Variants in RIMKLB observed in about 807,000 individuals in gnomAD.
The protein encoded by RIMKLB is beta-citrylglutamate synthase B.
Under a neutral mutation model 32.0 loss-of-function variants are expected in RIMKLB, and 7 were observed. The ratio of observed to expected loss-of-function variants is 0.22; its 90% CI spans 0.12 to 0.41. RIMKLB has a LOEUF of 0.41. Ranked by LOEUF, RIMKLB falls within the 10% of genes least tolerant of loss-of-function variation. The pLI is 1.00. For missense variants in RIMKLB, 289 were observed against 498.7 expected (o/e 0.58, Z 4.00); for synonymous variants, 172 against 185.1 (o/e 0.93, Z 0.57).
intron 1 of RIMKLB, among the ~76,000 whole-genome samples, chr12:8,712,208 T>C (rs768243295): frequency 1.2e-4 from 19 of 152,262 alleles, no homozygotes; most frequent in Admixed American, 1.2e-3. Flanking sequence ...ATTTCTCTCT[T>C]GTTGCCCAGG....
chr12:8,686,942 G>A (rs1018297421), intron 1 of RIMKLB, among the ~76,000 whole-genome samples: 2 of 152,182 alleles, frequency 1.3e-5, no homozygotes, highest in Non-Finnish European at 2.9e-5. Flanking sequence ...ATAACAAAAT[G>A]AAGAATCTTC....
At position 8,691,609 on chromosome 12, in the gene RIMKLB, GACAA is replaced by G. The variant is rs374754000; in HGVS notation, n.219+9805_219+9808del. On this transcript the variant is annotated intron_variant and non_coding_transcript_variant, in intron 1 of 1. Transcript: ENST00000538758. ...TGACAGAGTGAGACTGTCTCAAAAAGACAAACAAACAAACAAAAAAGAAAAGAAT... is the reference window on the plus strand; with the variant it reads ...TGACAGAGTGAGACTGTCTCAAAAAGACAAACAAACAAAAAAGAAAAGAAT... Among the ~76,000 whole-genome samples, 565 of 152,050 alleles carry G rather than the reference GACAA, an allele frequency of 3.7e-3. 5 individuals are homozygous for G. The highest frequency in any genetic ancestry group is 0.013 in the African/African-American group (537 of 41,492).
intron 1 of RIMKLB, among the ~76,000 whole-genome samples, chr12:8,687,820 GAAAAAAAAAAA>G (rs752174507): frequency 2.7e-5 from 2 of 72,928 alleles, no homozygotes; most frequent in East Asian, 1.2e-3. Flanking sequence ...AAGTCAGGAA[GAAAAAAAAAAA>G]AAAAAAAAAA....
At chr12:8,745,763 C>T (rs1948029130) in intron 2 of RIMKLB, among the ~76,000 whole-genome samples, 1 of 147,630 alleles carries the variant, frequency 6.8e-6, no homozygotes, top group Non-Finnish European at 1.5e-5. Flanking sequence ...GGCTGGATCT[C>T]AGCTCAGTGC....
upstream of RIMKLB, among the ~76,000 whole-genome samples, chr12:8,678,261 G>A (rs538238965): frequency 2.7e-5 from 4 of 150,396 alleles, no homozygotes; most frequent in South Asian, 2.1e-4. Flanking sequence ...AGTGATCCTC[G>A]CACGTTGGCC....
upstream of RIMKLB, among the ~76,000 whole-genome samples, chr12:8,695,842 C>T (rs995669710): frequency 2.6e-5 from 4 of 151,834 alleles, no homozygotes; most frequent in Admixed American, 6.6e-5. Context: ...TACAGGCGTG[C>T]GCTATCACGC....
chr12:8,721,126 A>G (rs1364600950), intron 2 of RIMKLB, among the ~76,000 whole-genome samples: 1 of 152,206 alleles, frequency 6.6e-6, no homozygotes, highest in Non-Finnish European at 1.5e-5. Context: ...TTATAGGCAC[A>G]CCTTGGAGAT....
At chr12:8,756,568 A>G (rs1949044052) in intron 5 of RIMKLB, among the ~76,000 whole-genome samples, 2 of 152,090 alleles carry the variant, frequency 1.3e-5, no homozygotes, top group Non-Finnish European at 2.9e-5. Context: ...AAACTAAAGA[A>G]AAGGCAATAT....
intron 5 of RIMKLB, among the ~76,000 whole-genome samples, chr12:8,760,543 A>C (rs770619086): frequency 6.6e-6 from 1 of 152,216 alleles, no homozygotes; most frequent in Non-Finnish European, 1.5e-5. Context: ...TGGTTGAACT[A>C]CTTTACAGTC....
At chr12:8,704,804 T>A (rs1470205338) in intron 1 of RIMKLB, among the ~76,000 whole-genome samples, 3 of 151,194 alleles carry the variant, frequency 2.0e-5, no homozygotes, top group African/African-American at 7.3e-5. Flanking sequence ...GGCAACATAG[T>A]GAGAACCTGC....
chr12:8,732,756 T>TACACACACAC (rs775849283), intron 2 of RIMKLB, among the ~76,000 whole-genome samples: 12 of 150,046 alleles, frequency 8.0e-5, no homozygotes, highest in African/African-American at 2.2e-4. Context: ...TATATATATA[T>TACACACACAC]ACACACACAC....
the RIMKLB span, among the ~76,000 whole-genome samples, chr12:8,670,696 G>A: frequency 5.2e-3 from 795 of 152,340 alleles, 4 homozygotes; most frequent in Middle Eastern, 0.014. Context: ...GGCCATGGCC[G>A]TCTTCTCACA....
intron 5 of RIMKLB, among the ~76,000 whole-genome samples, chr12:8,769,281 T>A (rs1950218066): frequency 6.6e-6 from 1 of 152,182 alleles, no homozygotes; most frequent in Non-Finnish European, 1.5e-5. Context: ...ACATTTTTTT[T>A]TAATTTCATT....
Position 8,775,866 on chromosome 12 carries a change from G to T in RIMKLB, c.*2082G>T. On this transcript the variant is annotated 3_prime_UTR_variant, in exon 6 of 6. Transcript: ENST00000535829. ...TTGCATTTAAAAGAACTTATCTTGC[G>T]CAGGGTAAATGGGGGACTCACATAC... 2 of 984,856 alleles carry T rather than the reference G, an allele frequency of 2.0e-6. No individual in the cohort carries two copies. Among genetic ancestry groups the T allele is most frequent in the African/African-American group, 1.7e-5 (1 of 57,260 alleles). The allele number at this position is 984,856 out of a possible 1,614,324, so 61.0% of individuals were successfully genotyped here.
At chr12:8,751,190 G>GA (rs1028783351) in intron 3 of RIMKLB, among the ~76,000 whole-genome samples, 3 of 151,876 alleles carry the variant, frequency 2.0e-5, no homozygotes, top group South Asian at 2.1e-4. Flanking sequence ...TGGAAAGAAG[G>GA]AAAAAAAGGT....
In RIMKLB at chr12:8,710,418, C is replaced by G. The variant is rs536758735; in HGVS notation, c.-56-3393C>G. On this transcript the variant is annotated intron_variant, in intron 1 of 5. Coordinates refer to ENST00000535829, the MANE Select transcript of RIMKLB (RefSeq NM_001297776.2). ...CGCCTCCTGGGTTCAAGCGATTATC[C>G]TGCCTCAGCCTCCCGAGTAGCTGGG... 1.1e-3 allele frequency among the ~76,000 whole-genome samples: 168 copies of G among 151,378 alleles called. 1 individual carries two copies. Among genetic ancestry groups the G allele is most frequent in the Admixed American group, 1.8e-3 (27 of 15,158 alleles).
chr12:8,772,798 TCTTC>T (rs1950514034), intron 5 of RIMKLB, among the ~76,000 whole-genome samples: 6 of 152,352 alleles, frequency 3.9e-5, no homozygotes, highest in Admixed American at 2.0e-4. Context: ...ACTTCCTTTC[TCTTC>T]CTTCCTTTTG....
chr12:8,782,257 A>T (rs947402530), intron 7 of RIMKLB, among the ~76,000 whole-genome samples: 2 of 152,108 alleles, frequency 1.3e-5, no homozygotes, highest in Non-Finnish European at 1.5e-5. Flanking sequence ...TATTGGCACA[A>T]TAATTTTGTT....
intron 1 of RIMKLB, among the ~76,000 whole-genome samples, chr12:8,704,761 T>G (rs1254679368): frequency 6.6e-6 from 1 of 151,852 alleles, no homozygotes; most frequent in Admixed American, 6.6e-5. Flanking sequence ...GCAGGAGAAT[T>G]TTGCTTGAGG....
Sources: allele counts gnomAD v4.1 joint callset (sites outside exome capture counted in the v4.1 genomes callset), GRCh38; gene constraint gnomAD v4.1.1; transcripts MANE v1.5; gene names NCBI Gene and HGNC (gene_info 2026-07-23, HGNC 2026-07-21).